The following CNTN5 variants were observed in gnomAD, a reference collection of about 807,000 sequenced individuals.
The protein encoded by CNTN5 is contactin 5.
A neutral mutation model predicts 129.1 loss-of-function variants in CNTN5; 77 were observed. The ratio of observed to expected loss-of-function variants is 0.60; its 90% CI spans 0.50 to 0.72. CNTN5 has a LOEUF of 0.72. Ranked by LOEUF, CNTN5 falls within the 30% of genes least tolerant of loss-of-function variation. CNTN5 has a pLI of 0.00. For missense variants in CNTN5, 1,478 were observed against 1,328.8 expected (o/e 1.11, Z -1.75); for synonymous variants, 509 against 465.6 (o/e 1.09, Z -1.20).
chr11:99,423,939 A>G (rs1565570435), intron 2 of CNTN5, among the ~76,000 whole-genome samples: 1 of 152,176 alleles, frequency 6.6e-6, no homozygotes, highest in Non-Finnish European at 1.5e-5. Flanking sequence ...TTTGAATGAT[A>G]TTAAAACCTT....
chr11:99,238,807 G>T (rs1156739128), intron 1 of CNTN5, among the ~76,000 whole-genome samples: 1 of 152,006 alleles, frequency 6.6e-6, no homozygotes, highest in Non-Finnish European at 1.5e-5. Context: ...CAAATAGATG[G>T]TTTACAATGA....
Position 99,245,140 on chromosome 11 carries a change from G to A in CNTN5, c.-209-80206G>A, listed in dbSNP as rs537064498. 2.6e-5 allele frequency among the ~76,000 whole-genome samples: 4 copies of A among 152,244 alleles called. No homozygotes were observed. In the South Asian group the frequency reaches 8.3e-4, roughly 32 times the overall value. ...GCACACACTCTTTATTGCTTCACATGTATGCTTAAATTCAAAGTGCTTAGG... is the reference window on the plus strand; with the variant it reads ...GCACACACTCTTTATTGCTTCACATATATGCTTAAATTCAAAGTGCTTAGG... On this transcript the variant is annotated intron_variant, in intron 1 of 24. Transcript: ENST00000524871.
At chr11:99,545,836 A>T (rs1014407610) in intron 2 of CNTN5, among the ~76,000 whole-genome samples, 1 of 152,128 alleles carries the variant, frequency 6.6e-6, no homozygotes, top group Non-Finnish European at 1.5e-5. Context: ...CCTTTTCCGT[A>T]AGTTGCACAT....
intron 17 of CNTN5, among the ~76,000 whole-genome samples, chr11:100,263,893 C>A (rs1352821499): frequency 6.6e-6 from 1 of 152,022 alleles, no homozygotes; most frequent in Non-Finnish European, 1.5e-5. Flanking sequence ...GAGAGGTTTT[C>A]CTTGTGGATA....
chr11:99,820,692 C>T (rs75438800), intron 4 of CNTN5, among the ~76,000 whole-genome samples: 2 of 152,156 alleles, frequency 1.3e-5, no homozygotes, highest in African/African-American at 4.8e-5. Context: ...TTACTGCCTT[C>T]TATAGAAATG....
At chr11:99,837,342 T>C (rs559063900) in intron 4 of CNTN5, among the ~76,000 whole-genome samples, 3 of 152,310 alleles carry the variant, frequency 2.0e-5, no homozygotes, top group African/African-American at 7.2e-5. Flanking sequence ...TTAACATGTT[T>C]CTTTTGTATT....
At chr11:99,657,487 G>T (rs1327266396) in intron 3 of CNTN5, among the ~76,000 whole-genome samples, 4 of 151,932 alleles carry the variant, frequency 2.6e-5, no homozygotes, top group Admixed American at 6.6e-5. Context: ...CAAATTCCTT[G>T]TATATCACTG....
intron 2 of CNTN5, among the ~76,000 whole-genome samples, chr11:99,451,587 A>G (rs984969810): frequency 2.6e-5 from 4 of 152,200 alleles, no homozygotes; most frequent in East Asian, 3.8e-4. Flanking sequence ...AATTATTTTT[A>G]TATGTTAGAA....
intron 2 of CNTN5, among the ~76,000 whole-genome samples, chr11:99,493,481 C>G (rs1486815609): frequency 6.6e-6 from 1 of 152,148 alleles, no homozygotes; most frequent in African/African-American, 2.4e-5. Context: ...AGCAGTAGCT[C>G]AAGCCAATGC....
At chr11:99,394,757 C>T (rs1220155249) in intron 2 of CNTN5, among the ~76,000 whole-genome samples, 1 of 151,634 alleles carries the variant, frequency 6.6e-6, no homozygotes, top group Non-Finnish European at 1.5e-5. Context: ...CATGTATTCT[C>T]ATTATTTAGT....
At chr11:99,293,858 A>C (rs934820534) in intron 1 of CNTN5, among the ~76,000 whole-genome samples, 3 of 151,754 alleles carry the variant, frequency 2.0e-5, no homozygotes, top group Admixed American at 1.3e-4. Context: ...TCTTTAAAAA[A>C]CCAACTTTTT....
intron 13 of CNTN5, among the ~76,000 whole-genome samples, chr11:100,097,779 T>C (rs1485509458): frequency 6.6e-6 from 1 of 152,100 alleles, no homozygotes; most frequent in Non-Finnish European, 1.5e-5. Context: ...GATTCATGCA[T>C]TGTCACAAGA....
intron 21 of CNTN5, among the ~76,000 whole-genome samples, chr11:100,313,199 G>C (rs1324996082): frequency 6.6e-6 from 1 of 151,890 alleles, no homozygotes; most frequent in Admixed American, 6.6e-5. Context: ...AATCACTCTG[G>C]CTGCTCTTAT....
rs981566071 is a variant in CNTN5 at position 100,078,334 on chromosome 11, G to T, written c.1580+4040G>T. 4.6e-5 allele frequency among the ~76,000 whole-genome samples: 7 copies of T among 152,138 alleles called. No homozygotes were observed. In the South Asian group the frequency reaches 1.2e-3, roughly 27 times the overall value. ...AAAAAATATGATTAACAAATTAGCT[G>T]CCTGCTTATATATTACCAAACATTT... On this transcript the variant is annotated intron_variant, in intron 13 of 24. Transcript: ENST00000524871.
At chr11:99,038,789 T>C (rs1003072181) in intron 1 of CNTN5, among the ~76,000 whole-genome samples, 1 of 151,938 alleles carries the variant, frequency 6.6e-6, no homozygotes, top group African/African-American at 2.4e-5. Context: ...ATATATAGTA[T>C]ATATAATACA....
rs567572768 is a variant in CNTN5, at chr11:99,584,370, G to C, written c.55+28101G>C. ...ATATCCTTAGTGCAGAGCTTCTCAT[G>C]CTGTTGGCCACAGACAGAAGGACCT... On this transcript the variant is annotated intron_variant, in intron 3 of 24. Transcript: ENST00000524871. 2.2e-4 allele frequency among the ~76,000 whole-genome samples: 34 copies of C among 152,224 alleles called. 1 individual carries two copies. In the South Asian group the frequency reaches 6.6e-3, roughly 30 times the overall value.
At position 99,600,284 on chromosome 11, in the gene CNTN5, T is replaced by C. The variant is rs569751451; in HGVS notation, c.55+44015T>C. On this transcript the variant is annotated intron_variant, in intron 3 of 24. Transcript: ENST00000524871. ...ATATTTTCTCTAATTTTAAACCTAG[T>C]AACCAATTACTTGCTATGTGAGCAA... Among the ~76,000 whole-genome samples the C allele has an allele frequency of 5.3e-5, 8 of 152,286 alleles. No individual in the cohort carries two copies. In the South Asian group the frequency reaches 1.7e-3, roughly 32 times the overall value.
chr11:99,210,550 T>G (rs1432363139), intron 1 of CNTN5, among the ~76,000 whole-genome samples: 10 of 152,224 alleles, frequency 6.6e-5, no homozygotes, highest in Admixed American at 6.5e-4. Flanking sequence ...TGTTTGTATG[T>G]TTAGGTATCT....
At chr11:100,040,805 A>T (rs2137674754) in intron 9 of CNTN5, among the ~76,000 whole-genome samples, 1 of 149,572 alleles carries the variant, frequency 6.7e-6, no homozygotes, top group Non-Finnish European at 1.5e-5. Flanking sequence ...CTGGTGTGCC[A>T]TTTTTTTAAG....
Sources: gnomAD v4.1 joint callset for allele counts (sites outside exome capture counted in the v4.1 genomes callset) on GRCh38, gnomAD v4.1.1 for gene constraint, MANE v1.5 for transcripts, NCBI Gene and HGNC (gene_info 2026-07-23, HGNC 2026-07-21) for gene names.